ANKRD36: variants seen among roughly 807,000 people sequenced by gnomAD.
The protein encoded by ANKRD36 is ankyrin repeat domain-containing protein 36A.
ANKRD36 carries 179 observed loss-of-function variants against 278.1 expected under a neutral mutation model. The ratio of observed to expected loss-of-function variants is 0.64; its 90% CI spans 0.57 to 0.73. The LOEUF (loss-of-function observed/expected upper bound fraction) is 0.73, where lower values mean the gene tolerates loss of function less well. Among genes scored for constraint, ANKRD36 ranks in the 30% least tolerant of loss-of-function variants. ANKRD36 has a pLI of 0.00. For missense variants in ANKRD36, 1,159 were observed against 1,956.7 expected (o/e 0.59, Z 7.69); for synonymous variants, 320 against 641.1 (o/e 0.50, Z 7.57).
chr2:97,117,314 C>CT (rs1301418960), intron 1 of ANKRD36, among the ~76,000 whole-genome samples: 4 of 151,626 alleles, frequency 2.6e-5, no homozygotes, highest in African/African-American at 9.7e-5. Context: ...TTTTTGCCTT[C>CT]TTTTTCCACA....
At chr2:97,148,421 G>T (rs1368731932) in intron 11 of ANKRD36, among the ~76,000 whole-genome samples, 1 of 152,430 alleles carries the variant, frequency 6.6e-6, no homozygotes, top group Non-Finnish European at 1.5e-5. Flanking sequence ...GCAGAAGAGG[G>T]ATCCAGAAGT....
At chr2:97,170,587 A>G (rs1243085796) in intron 22 of ANKRD36, among the ~76,000 whole-genome samples, 1 of 152,018 alleles carries the variant, frequency 6.6e-6, no homozygotes, top group East Asian at 1.9e-4. Flanking sequence ...TAAACCTAAA[A>G]CCATAAAAGC....
intron 22 of ANKRD36, among the ~76,000 whole-genome samples, chr2:97,178,064 A>G: frequency 6.6e-6 from 1 of 150,448 alleles, no homozygotes; most frequent in African/African-American, 2.4e-5. Context: ...GCAGCCAAAA[A>G]ACACATGAAA....
chr2:97,149,423 C>G, intron 12 of ANKRD36, 62 bp downstream of exon 12: 1 of 1,354,426 alleles, frequency 7.4e-7, no homozygotes, highest in Non-Finnish European at 9.9e-7. Flanking sequence ...ATATTATTTT[C>G]TTCTAAAACT....
intron 22 of ANKRD36, among the ~76,000 whole-genome samples, chr2:97,178,005 A>C (rs1487851204): frequency 3.3e-5 from 5 of 149,376 alleles, no homozygotes; most frequent in Non-Finnish European, 7.4e-5. Context: ...ACCCCATCAA[A>C]AAGTGGGCAA....
chr2:97,177,305 T>C (rs1306780399), intron 22 of ANKRD36, among the ~76,000 whole-genome samples: 4 of 151,814 alleles, frequency 2.6e-5, no homozygotes, highest in African/African-American at 9.7e-5. Context: ...AATGCCTTTC[T>C]TCACAGAATT....
At chr2:97,244,212 GTTC>G (rs2075095683) in intron 70 of ANKRD36, among the ~76,000 whole-genome samples, 183 bp downstream of exon 70, 1 of 147,482 alleles carries the variant, frequency 6.8e-6, no homozygotes, top group African/African-American at 2.4e-5. Flanking sequence ...TTTTATTTTA[GTTC>G]AAAGGCCTTT....
At chr2:97,115,558 G>T (rs1338794437) in intron 1 of ANKRD36, among the ~76,000 whole-genome samples, 1 of 152,072 alleles carries the variant, frequency 6.6e-6, no homozygotes, top group East Asian at 1.9e-4. Flanking sequence ...TTATTTTTCA[G>T]ATGTTCAAGC....
At chr2:97,205,498 T>C (rs1193751839) in intron 50 of ANKRD36, among the ~76,000 whole-genome samples, 1 of 151,514 alleles carries the variant, frequency 6.6e-6, no homozygotes, top group Non-Finnish European at 1.5e-5. Flanking sequence ...TCTCAGTTAT[T>C]GGGCATGTTA....
intron 15 of ANKRD36, among the ~76,000 whole-genome samples, chr2:97,155,345 T>C (rs1239874394): frequency 6.9e-6 from 1 of 145,028 alleles, no homozygotes; most frequent in Non-Finnish European, 1.6e-5. Flanking sequence ...TGGTATCATG[T>C]GCCTGTAGTC....
chr2:97,235,145 T>C (rs998517140), intron 68 of ANKRD36, among the ~76,000 whole-genome samples: 8 of 151,438 alleles, frequency 5.3e-5, no homozygotes, highest in African/African-American at 2.0e-4. Context: ...GATTTGGATC[T>C]TCCATTTAAA....
At chr2:97,216,104 G>A (rs1227093299) in intron 62 of ANKRD36, among the ~76,000 whole-genome samples, 3 of 151,870 alleles carry the variant, frequency 2.0e-5, no homozygotes, top group Non-Finnish European at 4.4e-5. Context: ...AAGAACTACT[G>A]GAAGCAGGAA....
chr2:97,235,484 A>C (rs1198401148), intron 68 of ANKRD36, among the ~76,000 whole-genome samples: 5 of 142,712 alleles, frequency 3.5e-5, no homozygotes, highest in Non-Finnish European at 7.4e-5. Flanking sequence ...GGATTGTCTG[A>C]ATTTGACTTT....
intron 22 of ANKRD36, among the ~76,000 whole-genome samples, chr2:97,176,769 G>C (rs1458934229): frequency 6.6e-6 from 1 of 151,678 alleles, no homozygotes; most frequent in African/African-American, 2.4e-5. Flanking sequence ...GGTACCGGTT[G>C]TTCCTTTCGA....
intron 56 of ANKRD36, among the ~76,000 whole-genome samples, chr2:97,211,195 C>T (rs1239990898): frequency 6.6e-6 from 1 of 151,902 alleles, no homozygotes; most frequent in Non-Finnish European, 1.5e-5. Context: ...GATCCTGTAG[C>T]ACCTGCTTTG....
intron 11 of ANKRD36, among the ~76,000 whole-genome samples, chr2:97,147,085 C>T (rs1367461822): frequency 1.3e-5 from 2 of 151,728 alleles, no homozygotes; most frequent in Non-Finnish European, 2.9e-5. Flanking sequence ...CTAGGCCAGT[C>T]CTAGAAAAAT....
At position 97,211,451 on chromosome 2, in the gene ANKRD36, C is replaced by G. The variant is rs2064565137; in HGVS notation, c.3368-95C>G. 5.9e-6 allele frequency: 9 copies of G among 1,537,480 alleles called. No individual in the cohort carries two copies. The East Asian group carries it at 2.2e-4, about 37-fold the overall frequency. On this transcript the variant is annotated intron_variant, in intron 56 of 75. Transcript: ENST00000420699. ...CCGTCAAGGCCTACACTAATACAGG[C>G]TGGGGGACAGAGTTTGATGCTAACA...
chr2:97,222,910 A>C (rs1197789523), intron 66 of ANKRD36, among the ~76,000 whole-genome samples: 1 of 152,064 alleles, frequency 6.6e-6, no homozygotes, highest in Non-Finnish European at 1.5e-5. Context: ...CTTAGAGATT[A>C]GCATGGTATA....
intron 67 of ANKRD36, among the ~76,000 whole-genome samples, chr2:97,232,006 C>T (rs2153676414): frequency 6.6e-6 from 1 of 151,966 alleles, no homozygotes; most frequent in South Asian, 2.1e-4. Flanking sequence ...CAAGTTTAGT[C>T]CAAACAAACA....
Sources: allele counts gnomAD v4.1 joint callset (sites outside exome capture counted in the v4.1 genomes callset), GRCh38; gene constraint gnomAD v4.1.1; transcripts MANE v1.5; gene names NCBI Gene and HGNC (gene_info 2026-07-23, HGNC 2026-07-21).